ARPC5: variants seen among roughly 807,000 people sequenced by gnomAD.
ARPC5 encodes the protein actin-related protein 2/3 complex subunit 5.
Under a neutral mutation model 15.4 loss-of-function variants are expected in ARPC5, and 5 were observed. That is an observed-to-expected ratio of 0.32 (90% CI 0.17 to 0.68). The LOEUF (loss-of-function observed/expected upper bound fraction) is 0.68, where lower values mean the gene tolerates loss of function less well. Among genes scored for constraint, ARPC5 ranks in the 30% least tolerant of loss-of-function variants. The probability of loss-of-function intolerance (pLI) is 0.71; values close to 1 mark genes in which losing one functional copy is unlikely to be tolerated. For synonymous variants in ARPC5, 85 were observed against 72.2 expected, an observed-to-expected ratio of 1.18 and a Z score of -0.90; for missense variants, 138 against 192.8, an observed-to-expected ratio of 0.72 and a Z score of 1.68.
At chr1:183,634,036 A>G (rs1384922259) in intron 1 of ARPC5, 1 of 152,250 alleles carries the variant, frequency 6.6e-6, no homozygotes, top group Non-Finnish European at 1.5e-5. Context: ...ATCCACTGAT[A>G]TGGATACAGC....
rs1054836740 is a variant in ARPC5, at chr1:183,621,587, G to C, written c.*5945C>G. The stretch of plus-strand genomic sequence containing the variant: ...TAAGAAAGTAAAGGAATAAAGAATG[G>C]CTACTCCATAGGCAGAGCAGCCCCG... On this transcript the variant is annotated 3_prime_UTR_variant, in exon 4 of 4. Transcript: ENST00000359856. 6.6e-6 allele frequency: 1 copy of C among 152,208 alleles called. No homozygotes were observed. The highest frequency in any genetic ancestry group is 2.4e-5 in the African/African-American group (1 of 41,450). The allele number at this position is 152,208 out of a possible 1,614,324, so 9.4% of individuals were successfully genotyped here. A position where few individuals can be genotyped will look rare whatever the true frequency, so the allele number is the denominator to read the frequency against.
chr1:183,628,401 T>G (rs1438514200), intron 3 of ARPC5, among the ~76,000 whole-genome samples: 1 of 152,148 alleles, frequency 6.6e-6, no homozygotes, highest in Non-Finnish European at 1.5e-5. Context: ...TAACTCTGAC[T>G]CTAATTTGAA....
chr1:183,624,766 G>T lies in ARPC5; in HGVS notation c.*2766C>A, dbSNP rs947888617. On this transcript the variant is annotated 3_prime_UTR_variant, in exon 4 of 4. Transcript: ENST00000359856. ...ACAGTCAAATGCTAAATTGTATGAC[G>T]TTAATTCTCTTTTTTTTTGTATGAC... is the stretch of plus-strand genomic sequence containing the variant. 1 of 152,120 alleles carries T rather than the reference G, an allele frequency of 6.6e-6. No individual in the cohort carries two copies. Among genetic ancestry groups the T allele is most frequent in the Non-Finnish European group, 1.5e-5 (1 of 68,026 alleles). 9.4% of individuals were successfully genotyped at this position (152,120 alleles called of 1,614,324 possible).
chr1:183,623,662 C>A lies in ARPC5; in HGVS notation c.*3870G>T. 1.5e-6 allele frequency: 1 copy of A among 675,524 alleles called. No individual in the cohort carries two copies. Among genetic ancestry groups the A allele is most frequent in the Non-Finnish European group, 2.5e-6 (1 of 407,560 alleles). The allele number at this position is 675,524 out of a possible 1,614,324, so 41.8% of individuals were successfully genotyped here. A position where few individuals can be genotyped will look rare whatever the true frequency, so the allele number is the denominator to read the frequency against. ...GGTGTGTTTTTCAATTATTTTGGTG[C>A]TTTTAACATATTTTGTCTGTAAGGG... is the stretch of plus-strand genomic sequence containing the variant. On this transcript the variant is annotated 3_prime_UTR_variant, in exon 4 of 4. Transcript: ENST00000359856.
At position 183,626,386 on chromosome 1, in the gene ARPC5, T is replaced by A. The variant is rs1048418711; in HGVS notation, c.*1146A>T. On this transcript the variant is annotated 3_prime_UTR_variant, in exon 4 of 4. Coordinates refer to ENST00000359856, the MANE Select transcript of ARPC5 (RefSeq NM_005717.4). Reference sequence around the variant, plus strand: ...AAGCACAAGCTCACTTCCCTCTTGGTCAGGTGGTTTGTTTTAGAGCTACTC... The same window carrying A: ...AAGCACAAGCTCACTTCCCTCTTGGACAGGTGGTTTGTTTTAGAGCTACTC... 2.0e-5 allele frequency: 3 copies of A among 152,260 alleles called. No homozygotes were observed. The highest frequency in any genetic ancestry group is 6.5e-5 in the Admixed American group (1 of 15,280). 9.4% of individuals were successfully genotyped at this position (152,260 alleles called of 1,614,324 possible).
intron 2 of ARPC5, chr1:183,632,878 CTG>C: frequency 2.4e-6 from 1 of 408,356 alleles, no homozygotes; most frequent in East Asian, 4.2e-5. Context: ...TTTGAACTTA[CTG>C]TATCTTACCA....
rs1648969100 is a variant in ARPC5, at chr1:183,622,606, C to A, written c.*4926G>T. ...AGGGGTATTGGGTCACATCTCTGCTCTTAGAAGGTGATGCCACAGAATAAT... is the reference window on the plus strand; with the variant it reads ...AGGGGTATTGGGTCACATCTCTGCTATTAGAAGGTGATGCCACAGAATAAT... On this transcript the variant is annotated 3_prime_UTR_variant, in exon 4 of 4. Coordinates refer to ENST00000359856, the MANE Select transcript of ARPC5 (RefSeq NM_005717.4). The A allele has an allele frequency of 6.6e-6, 1 of 152,224 alleles. No homozygotes were observed. Among genetic ancestry groups the A allele is most frequent in the Non-Finnish European group, 1.5e-5 (1 of 68,040 alleles). 9.4% of individuals were successfully genotyped at this position (152,224 alleles called of 1,614,324 possible).
At chr1:183,628,652 A>G (rs1400762741) in intron 3 of ARPC5, among the ~76,000 whole-genome samples, 1 of 152,256 alleles carries the variant, frequency 6.6e-6, no homozygotes, top group Non-Finnish European at 1.5e-5. Flanking sequence ...GGAGAGGCTT[A>G]TACCCAGATT....
intron 2 of ARPC5, 115 bp downstream of exon 2, chr1:183,632,967 C>A: frequency 1.2e-6 from 1 of 817,140 alleles, no homozygotes; most frequent in South Asian, 1.7e-5. Flanking sequence ...ATTATAAACT[C>A]TTCTATGTCA....
chr1:183,630,973 A>G, intron 2 of ARPC5: 1 of 196,460 alleles, frequency 5.1e-6, no homozygotes, highest in Non-Finnish European at 1.0e-5. Flanking sequence ...AAATGAGAAG[A>G]CATTGGAAGG....
intron 3 of ARPC5, among the ~76,000 whole-genome samples, chr1:183,629,556 T>A (rs1649208306): frequency 6.6e-6 from 1 of 152,234 alleles, no homozygotes; most frequent in South Asian, 2.1e-4. Flanking sequence ...TATGACTGGT[T>A]CTATTTACAT....
At chr1:183,630,420 G>A in intron 3 of ARPC5, 41 bp downstream of exon 3, 1 of 1,463,460 alleles carries the variant, frequency 6.8e-7, no homozygotes, top group South Asian at 1.4e-5. Flanking sequence ...ATTCCCTATT[G>A]TAAAAGAACC....
intron 3 of ARPC5, 28 bp from the exon 4 acceptor site, chr1:183,627,622 G>A: frequency 6.3e-7 from 1 of 1,579,034 alleles, no homozygotes. Flanking sequence ...TGTAAATGTT[G>A]ACAGAATAAT....
intron 2 of ARPC5, 156 bp downstream of exon 2, chr1:183,632,926 T>C (rs1000356554): frequency 1.9e-5 from 11 of 569,872 alleles, no homozygotes; most frequent in Non-Finnish European, 2.7e-5. Flanking sequence ...AGGGCTATTT[T>C]TTCACGTGAA....
intron 1 of ARPC5, among the ~76,000 whole-genome samples, chr1:183,634,916 T>TC (rs948846778): frequency 1.2e-4 from 9 of 75,408 alleles, no homozygotes; most frequent in Non-Finnish European, 2.3e-4. Flanking sequence ...TTCTTCTTCT[T>TC]TTTTTTTTTT....
rs1377246829 is a variant in ARPC5 at position 183,623,469 on chromosome 1, C to CACCT, written c.*4059_*4062dup. On this transcript the variant is annotated 3_prime_UTR_variant, in exon 4 of 4. Transcript: ENST00000359856. ...TCCATATCTGGAATCATACAAGAGG[C>CACCT]ACCTGCACAGAACGTTTTCACATTG... 12 of 1,550,320 alleles carry CACCT rather than the reference C, an allele frequency of 7.7e-6. No homozygotes were observed. Among genetic ancestry groups the CACCT allele is most frequent in the Non-Finnish European group, 8.7e-6 (10 of 1,146,868 alleles).
intron 2 of ARPC5, chr1:183,630,883 C>G: frequency 2.5e-6 from 1 of 393,622 alleles, no homozygotes; most frequent in Non-Finnish European, 4.5e-6. Context: ...GAGAAAAGCA[C>G]GTGAGTAAGT....
chr1:183,623,983 A>T lies in ARPC5; in HGVS notation c.*3549T>A, dbSNP rs1649010387. The T allele has an allele frequency of 5.9e-6, 1 of 168,576 alleles. No homozygotes were observed. Among genetic ancestry groups the T allele is most frequent in the Non-Finnish European group, 1.3e-5 (1 of 79,712 alleles). The allele number at this position is 168,576 out of a possible 1,614,324, so 10.4% of individuals were successfully genotyped here. On this transcript the variant is annotated 3_prime_UTR_variant, in exon 4 of 4. Transcript: ENST00000359856. ...GGCTGCAGTGAGCCGAGATTGTGCC[A>T]TTGCACTCCAGCCTGAGCAACAGAG...
intron 2 of ARPC5, chr1:183,632,187 T>G (rs1649287069): frequency 1.3e-5 from 2 of 152,234 alleles, no homozygotes; most frequent in Non-Finnish European, 2.9e-5. Flanking sequence ...TATGAATAGC[T>G]ATGGACAACG....
Sources: allele counts gnomAD v4.1 joint callset (sites outside exome capture counted in the v4.1 genomes callset), GRCh38; gene constraint gnomAD v4.1.1; transcripts MANE v1.5; gene names NCBI Gene and HGNC (gene_info 2026-07-23, HGNC 2026-07-21).